Variants in KMT2C observed in about 807,000 individuals in gnomAD.
KMT2C encodes the protein lysine methyltransferase 2C.
In KMT2C, 88 loss-of-function variants were observed where a neutral mutation model predicts 507.9. That is an observed-to-expected ratio of 0.17 (90% CI 0.15 to 0.21). The LOEUF (loss-of-function observed/expected upper bound fraction) is 0.21. KMT2C is among the 10% of genes least tolerant of loss of function. KMT2C has a pLI of 1.00. For missense variants in KMT2C, 4,954 were observed against 5,957.8 expected, an observed-to-expected ratio of 0.83 and a Z score of 5.55; for synonymous variants, 2,049 against 2,080.8, an observed-to-expected ratio of 0.98 and a Z score of 0.42.
rs1462895732 is a variant in KMT2C, at chr7:152,250,910, G to T, written c.1678C>A (p.Gln560Lys). Residue 560 changes from glutamine (Q) to lysine (K), a missense_variant, in exon 12 of 59, where the codon CAG becomes AAG. Around this residue, in one of 29 missense-constraint regions of KMT2C, gnomAD observed 376 missense variants for 352.4 expected, o/e 1.07. Transcript: ENST00000262189. ...GPEDQMVFSEQAANKDVNGQE... is the reference protein window; with the variant it reads ...GPEDQMVFSEKAANKDVNGQE... ...CCGTTGACATCTTTATTAGCTGCCT[G>T]CTCTGAGAATACCATTTGATCTTCA... The T allele has an allele frequency of 6.2e-7, 1 of 1,611,546 alleles. No individual in the cohort carries two copies. The highest frequency in any genetic ancestry group is 8.5e-7 in the Non-Finnish European group (1 of 1,177,792).
At chr7:152,364,294 A>C (rs1002822277) in intron 1 of KMT2C, among the ~76,000 whole-genome samples, 4 of 152,218 alleles carry the variant, frequency 2.6e-5, no homozygotes, top group African/African-American at 9.7e-5. Flanking sequence ...CTCAAAGGTA[A>C]CATCAAAAGA....
chr7:152,194,182 T>C (rs779716652), intron 30 of KMT2C, 47 bp downstream of exon 30: 6 of 1,563,214 alleles, frequency 3.8e-6, no homozygotes, highest in Non-Finnish European at 1.7e-6. Flanking sequence ...AGGGTCCTGG[T>C]ATGGGGAACG....
intron 24 of KMT2C, among the ~76,000 whole-genome samples, chr7:152,206,336 T>A (rs554623334): frequency 3.3e-5 from 5 of 151,878 alleles, no homozygotes; most frequent in Admixed American, 2.6e-4. Context: ...ATCTGCAATG[T>A]CTAAAAAAGT....
intron 2 of KMT2C, among the ~76,000 whole-genome samples, chr7:152,352,676 C>T (rs1172334351): frequency 6.6e-6 from 1 of 152,186 alleles, no homozygotes; most frequent in Non-Finnish European, 1.5e-5. Context: ...CAATATCTGG[C>T]TGAATTTCCC....
rs2093239210 is a variant in KMT2C, at chr7:152,177,023, A to G, written c.8430T>C (p.His2810=). 4 of 1,613,920 alleles carry G rather than the reference A, an allele frequency of 2.5e-6. No homozygotes were observed. The highest frequency in any genetic ancestry group is 3.4e-6 in the Non-Finnish European group (4 of 1,179,974). ...ENKTLVLSDK[H]SPQKKSTVTN... ...TAACAGTGGATTTTTTCTGTGGTGA[A>G]TGTTTATCAGAGAGAACCAGAGTTT... Residue 2810 remains histidine, a synonymous_variant, in exon 38 of 59, where the codon CAT becomes CAC. Transcript: ENST00000262189.
intron 42 of KMT2C, 67 bp downstream of exon 42, chr7:152,167,078 GA>G: frequency 7.7e-7 from 1 of 1,301,258 alleles, no homozygotes; most frequent in South Asian, 1.3e-5. Context: ...AGTCACTAAT[GA>G]ACAACACACC....
chr7:152,405,127 G>A (rs1961882), intron 1 of KMT2C, among the ~76,000 whole-genome samples: 1,798 of 121,478 alleles, frequency 0.015, no homozygotes, highest in Middle Eastern at 0.056. Context: ...CAGGATTACA[G>A]GCATGAGGCA....
At chr7:152,237,128 T>C (rs1163068076) in intron 15 of KMT2C, among the ~76,000 whole-genome samples, 1 of 152,230 alleles carries the variant, frequency 6.6e-6, no homozygotes, top group Non-Finnish European at 1.5e-5. Flanking sequence ...GAATTATGTA[T>C]ATTTAAAATT....
rs1426616542 is a variant in KMT2C, at chr7:152,176,860, C to T, written c.8593G>A (p.Gly2865Arg). 8.7e-6 allele frequency: 14 copies of T among 1,614,172 alleles called. No homozygotes were observed. The highest frequency in any genetic ancestry group is 1.2e-5 in the Non-Finnish European group (14 of 1,180,018). ...CAAGGATGCAAAGAAGTCTTTTCTC[C>T]ATCATTTAGGTCTGAGTGAGCAGAA... is the stretch of plus-strand genomic sequence containing the variant. ...QASAHSDLND[G>R]EKTSLHPCDP... The change falls in exon 38 of 59, where the codon GGA becomes AGA. Residue 2865 changes from glycine to arginine, a missense_variant. By Grantham distance (125) the Gly-to-Arg change is moderately radical. Transcript: ENST00000262189.
chr7:152,298,030 A>G (rs1241491279), intron 6 of KMT2C, among the ~76,000 whole-genome samples: 2 of 152,190 alleles, frequency 1.3e-5, no homozygotes, highest in African/African-American at 4.8e-5. Flanking sequence ...GGATGAACTA[A>G]AGCAGATTAG....
chr7:152,425,149 G>A (rs2097803917), intron 1 of KMT2C, among the ~76,000 whole-genome samples: 1 of 152,116 alleles, frequency 6.6e-6, no homozygotes, highest in Non-Finnish European at 1.5e-5. Context: ...CTTAATATAT[G>A]ACTTCTAGTA....
chr7:152,393,088 T>C (rs2097512611), intron 1 of KMT2C, among the ~76,000 whole-genome samples: 1 of 152,026 alleles, frequency 6.6e-6, no homozygotes, highest in Non-Finnish European at 1.5e-5. Context: ...CAGAGTGAGA[T>C]CCTACCTCAA....
At position 152,135,811 on chromosome 7, in the gene KMT2C, C is replaced by T. The variant is rs992782079; in HGVS notation, c.*1021G>A. On this transcript the variant is annotated 3_prime_UTR_variant, in exon 59 of 59. Transcript: ENST00000262189. ...CCAAAACAGCTATAAAAGTTGTAGT[C>T]GTAGCATACGCCCCGCTCTGTCAGA... 2.2e-5 allele frequency: 5 copies of T among 230,406 alleles called. No homozygotes were observed. The highest frequency in any genetic ancestry group is 4.4e-5 in the African/African-American group (2 of 45,142). 14.3% of individuals were successfully genotyped at this position (230,406 alleles called of 1,614,324 possible).
intron 31 of KMT2C, among the ~76,000 whole-genome samples, chr7:152,191,296 T>TC (rs1453971789): frequency 6.6e-6 from 1 of 152,094 alleles, no homozygotes; most frequent in Non-Finnish European, 1.5e-5. Context: ...TCATTGTACC[T>TC]CCACTACCTT....
At chr7:152,351,924 T>C (rs182790974) in intron 2 of KMT2C, among the ~76,000 whole-genome samples, 1 of 152,180 alleles carries the variant, frequency 6.6e-6, no homozygotes, top group African/African-American at 2.4e-5. Flanking sequence ...GTGTTTGAAC[T>C]ATATGAAATC....
chr7:152,348,722 T>C (rs2097085471), intron 2 of KMT2C, among the ~76,000 whole-genome samples: 1 of 150,742 alleles, frequency 6.6e-6, no homozygotes, highest in Non-Finnish European at 1.5e-5. Flanking sequence ...TTCCACATTA[T>C]ATGTTATCAG....
intron 2 of KMT2C, among the ~76,000 whole-genome samples, chr7:152,339,300 T>C (rs1425333970): frequency 6.6e-6 from 1 of 152,196 alleles, no homozygotes; most frequent in Non-Finnish European, 1.5e-5. Context: ...TCTAAGAAAA[T>C]ATTAAGAATG....
chr7:152,249,670 C>T (rs527257644), intron 13 of KMT2C, among the ~76,000 whole-genome samples: 140 of 114,646 alleles, frequency 1.2e-3, no homozygotes, highest in Non-Finnish European at 2.0e-3. Flanking sequence ...GACCTCCCCC[C>T]TCCAAAAAAA....
At chr7:152,353,686 A>G (rs1206965331) in intron 2 of KMT2C, among the ~76,000 whole-genome samples, 1 of 152,004 alleles carries the variant, frequency 6.6e-6, no homozygotes, top group African/African-American at 2.4e-5. Context: ...TTTTGTAGAG[A>G]CGGGTTTTTG....
Sources: gnomAD v4.1 joint callset for allele counts (sites outside exome capture counted in the v4.1 genomes callset) on GRCh38, gnomAD v4.1.1 for gene constraint, gnomAD v4.1.1 regional missense constraint, MANE v1.5 for transcripts, NCBI Gene and HGNC (gene_info 2026-07-23, HGNC 2026-07-21) for gene names.